SH3RF1: variants seen among roughly 807,000 people sequenced by gnomAD.
The protein encoded by SH3RF1 is SH3 domain containing ring finger 1.
A neutral mutation model predicts 74.0 loss-of-function variants in SH3RF1; 32 were observed. The ratio of observed to expected loss-of-function variants is 0.43; its 90% CI spans 0.33 to 0.58. SH3RF1 has a LOEUF of 0.58. Ranked by LOEUF, SH3RF1 falls within the 20% of genes least tolerant of loss-of-function variation. The pLI is 0.05. For missense variants in SH3RF1, 954 were observed against 1,130.9 expected (o/e 0.84, Z 2.24); for synonymous variants, 396 against 439.6 (o/e 0.90, Z 1.24).
chr4:169,116,763 T>C (rs1482300795), intron 9 of SH3RF1, 133 bp from the exon 10 acceptor site: 4 of 1,237,658 alleles, frequency 3.2e-6, no homozygotes, highest in African/African-American at 1.5e-5. Context: ...AAAGATGGGA[T>C]GGACGGTGGC....
intron 4 of SH3RF1, among the ~76,000 whole-genome samples, chr4:169,146,910 C>T (rs1733904114): frequency 6.6e-6 from 1 of 151,992 alleles, no homozygotes; most frequent in Non-Finnish European, 1.5e-5. Flanking sequence ...GGATGAAAGG[C>T]CTAGGCAGAG....
rs78823598 is a variant in SH3RF1, at chr4:169,204,065, C to G, written c.394-47386G>C. On this transcript the variant is annotated intron_variant, in intron 2 of 11. Transcript: ENST00000284637. ...CTCTTCACTCCCTCTAACTCTAACT[C>G]ATTTTAACCTCATTTAAACTTTGAG... 248 of 152,282 alleles carry G rather than the reference C, an allele frequency of 1.6e-3. 1 individual carries two copies. Among genetic ancestry groups the G allele is most frequent in the African/African-American group, 5.5e-3 (227 of 41,566 alleles). The allele number at this position is 152,282 out of a possible 1,614,324, so 9.4% of individuals were successfully genotyped here. A position where few individuals can be genotyped will look rare whatever the true frequency, so the allele number is the denominator to read the frequency against.
In SH3RF1 at chr4:169,096,509, GTCAGTC is replaced by G. The variant is rs759019582; in HGVS notation, c.*4_*9del. Reference sequence around the variant, plus strand: ...TGAAGTGATTTTAAGCTTCTTCAGTGTCAGTCTCCTCATATGTTTTCCACAAAGCTT... The same window carrying G: ...TGAAGTGATTTTAAGCTTCTTCAGTGTCCTCATATGTTTTCCACAAAGCTT... On this transcript the variant is annotated 3_prime_UTR_variant, in exon 12 of 12. Coordinates refer to ENST00000284637, the MANE Select transcript of SH3RF1 (RefSeq NM_020870.4). 7 of 1,611,626 alleles carry G rather than the reference GTCAGTC, an allele frequency of 4.3e-6. No homozygotes were observed. Among genetic ancestry groups the G allele is most frequent in the Non-Finnish European group, 5.9e-6 (7 of 1,179,054 alleles).
intron 2 of SH3RF1, among the ~76,000 whole-genome samples, chr4:169,238,562 G>A (rs1424731886): frequency 6.6e-6 from 1 of 152,210 alleles, no homozygotes; most frequent in Non-Finnish European, 1.5e-5. Context: ...AGGCTGAAGT[G>A]ACTTTCCAAA....
Position 169,156,531 on chromosome 4 carries a change from C to T in SH3RF1, c.542G>A (p.Gly181Asp). 2 of 1,614,098 alleles carry T rather than the reference C, an allele frequency of 1.2e-6. No individual in the cohort carries two copies. Among genetic ancestry groups the T allele is most frequent in the East Asian group, 4.5e-5 (2 of 44,884 alleles). The change falls in exon 3 of 12, where the codon GGC becomes GAC. Residue 181 changes from glycine (G) to aspartate (D), a missense_variant. This residue lies in a region of SH3RF1 where 854 missense variants were observed against 962.5 expected (regional missense o/e 0.89). Coordinates refer to ENST00000284637, the MANE Select transcript of SH3RF1 (RefSeq NM_020870.4). ...CTGCACAAAGTTGGTGGGGAAAAAG[C>T]CATGGATTCCATTGACTTCCCCATG... ...WYHGEVNGIHGFFPTNFVQII... is the reference protein window; with the variant it reads ...WYHGEVNGIHDFFPTNFVQII...
rs60740517 is a variant in SH3RF1 at position 169,103,086 on chromosome 4, A to ATTTTTTTTTT, written c.2498+3751_2498+3760dup. 4.7e-4 allele frequency among the ~76,000 whole-genome samples: 41 copies of ATTTTTTTTTT among 87,066 alleles called. 1 individual carries two copies. Among genetic ancestry groups the ATTTTTTTTTT allele is most frequent in the Non-Finnish European group, 5.1e-4 (24 of 46,654 alleles). 57.1% of individuals were successfully genotyped at this position (87,066 alleles called of 152,430 possible). A position where few individuals can be genotyped will look rare whatever the true frequency, so the allele number is the denominator to read the frequency against. ...CAGGTGCCCGCCACCGCGCCTGGCTATTTTTTTTTTTTTTTTTTTTTTTGT... is the reference window on the plus strand; with the variant it reads ...CAGGTGCCCGCCACCGCGCCTGGCTATTTTTTTTTTTTTTTTTTTTTTTTTTTTTTTTTGT... On this transcript the variant is annotated intron_variant, in intron 11 of 11. Coordinates refer to ENST00000284637, the MANE Select transcript of SH3RF1 (RefSeq NM_020870.4).
chr4:169,225,638 A>T (rs1730644986), intron 2 of SH3RF1, among the ~76,000 whole-genome samples: 1 of 152,202 alleles, frequency 6.6e-6, no homozygotes, highest in African/African-American at 2.4e-5. Context: ...CTGCAATGTT[A>T]AAGGAAGTGA....
At chr4:169,123,800 G>A (rs1344296034) in intron 6 of SH3RF1, among the ~76,000 whole-genome samples, 4 of 152,094 alleles carry the variant, frequency 2.6e-5, no homozygotes, top group African/African-American at 9.7e-5. Context: ...GCTGAGGCAG[G>A]AGAATGGCGT....
intron 2 of SH3RF1, among the ~76,000 whole-genome samples, chr4:169,209,448 C>T (rs1313543066): frequency 2.0e-5 from 3 of 152,138 alleles, no homozygotes; most frequent in African/African-American, 7.2e-5. Context: ...CTACTACATT[C>T]CTCATCCTAC....
chr4:169,208,331 T>C (rs112219572), intron 2 of SH3RF1, among the ~76,000 whole-genome samples: 35 of 152,174 alleles, frequency 2.3e-4, no homozygotes, highest in African/African-American at 6.0e-4. Context: ...CTGGAACACA[T>C]TGTGCCCTCA....
chr4:169,103,086 A>ATTTTTTTTTTTTT (rs60740517), intron 11 of SH3RF1, among the ~76,000 whole-genome samples: 8 of 87,070 alleles, frequency 9.2e-5, no homozygotes, highest in Admixed American at 1.5e-4. Context: ...GCGCCTGGCT[A>ATTTTTTTTTTTTT]TTTTTTTTTT....
chr4:169,106,125 T>A (rs1395042552), intron 11 of SH3RF1, among the ~76,000 whole-genome samples: 1 of 151,614 alleles, frequency 6.6e-6, no homozygotes, highest in Non-Finnish European at 1.5e-5. Flanking sequence ...TTATTATTAT[T>A]ATTTTGAGAT....
At chr4:169,133,635 G>A (rs374676475) in intron 5 of SH3RF1, among the ~76,000 whole-genome samples, 4 of 151,798 alleles carry the variant, frequency 2.6e-5, no homozygotes, top group Non-Finnish European at 5.9e-5. Flanking sequence ...AAAACTAGCC[G>A]GGTGTGGTGG....
rs1432135217 is a variant in SH3RF1, at chr4:169,116,584, G to A, written c.1824C>T (p.Ile608=). ...QERPTAAVTP[I]QVQNAAGLSP... is the part of the protein sequence containing the mutation. ...TGAGGCCGGCGGCATTCTGTACCTG[G>A]ATGGGTGTCACTGCTGCCGTGGGGC... The change falls in exon 10 of 12, where the codon ATC becomes ATT. Residue 608 remains isoleucine (I), a synonymous_variant. Transcript: ENST00000284637. 1.3e-6 allele frequency: 2 copies of A among 1,584,944 alleles called. No homozygotes were observed. The highest frequency in any genetic ancestry group is 4.5e-5 in the East Asian group (2 of 44,468).
At chr4:169,192,324 A>G (rs1192111717) in intron 2 of SH3RF1, among the ~76,000 whole-genome samples, 2 of 151,992 alleles carry the variant, frequency 1.3e-5, no homozygotes, top group Non-Finnish European at 2.9e-5. Flanking sequence ...AGGGAAATGC[A>G]AACATGAATA....
intron 2 of SH3RF1, among the ~76,000 whole-genome samples, chr4:169,240,777 C>T (rs1730895079): frequency 6.6e-6 from 1 of 152,142 alleles, no homozygotes; most frequent in African/African-American, 2.4e-5. Context: ...CCACAGTCAC[C>T]ATGCTGCACT....
At chr4:169,114,293 T>C (rs547414450) in intron 10 of SH3RF1, among the ~76,000 whole-genome samples, 12 of 152,330 alleles carry the variant, frequency 7.9e-5, no homozygotes, top group Non-Finnish European at 1.8e-4. Context: ...TTCCCTATCA[T>C]TCCTACCTCT....
At chr4:169,194,273 G>A (rs1269728934) in intron 2 of SH3RF1, among the ~76,000 whole-genome samples, 2 of 152,104 alleles carry the variant, frequency 1.3e-5, no homozygotes, top group Non-Finnish European at 2.9e-5. Context: ...TTGTCACAAA[G>A]GGAAACACTC....
At chr4:169,255,779 CTTTTT>C (rs1731183000) in intron 2 of SH3RF1, among the ~76,000 whole-genome samples, 2 of 146,776 alleles carry the variant, frequency 1.4e-5, no homozygotes, top group African/African-American at 2.5e-5. Context: ...TTTTTTTTTT[CTTTTT>C]GAGTCAAGAG....
Sources: gnomAD v4.1 joint callset for allele counts (sites outside exome capture counted in the v4.1 genomes callset) on GRCh38, gnomAD v4.1.1 for gene constraint, gnomAD v4.1.1 regional missense constraint, MANE v1.5 for transcripts, NCBI Gene and HGNC (gene_info 2026-07-23, HGNC 2026-07-21) for gene names.